The following C8B variants were observed in gnomAD, a reference collection of about 807,000 sequenced individuals.
C8B encodes complement component C8 beta chain.
A neutral mutation model predicts 64.6 loss-of-function variants in C8B; 67 were observed. That is an observed-to-expected ratio of 1.04 (90% CI 0.85 to 1.27). The LOEUF is 1.27. Ranked by LOEUF, C8B falls within the 50% of genes most tolerant of loss-of-function variation. The pLI is 0.00. For missense variants in C8B, 790 were observed against 725.2 expected (o/e 1.09, Z -1.03); for synonymous variants, 284 against 257.7 (o/e 1.10, Z -0.98).
At chr1:56,949,525 T>A (rs751007726) in intron 6 of C8B, 30 bp downstream of exon 6, 16 of 1,571,490 alleles carry the variant, frequency 1.0e-5, no homozygotes, top group Non-Finnish European at 1.4e-5. Context: ...AGACAACATA[T>A]ACGTTTAAAA....
chr1:56,960,131 G>A lies in C8B; in HGVS notation c.138C>T (p.Ser46=), dbSNP rs1402992781. The A allele has an allele frequency of 1.2e-6, 2 of 1,614,036 alleles. No individual in the cohort carries two copies. Among genetic ancestry groups the A allele is most frequent in the East Asian group, 4.5e-5 (2 of 44,890 alleles). Residue 46 remains serine (S), a synonymous_variant, in exon 2 of 12, where the codon AGC becomes AGT. Transcript: ENST00000371237. ...TCCGCATCTGTCTGCTCTTAGCAAA[G>A]CTCTTGTTGACTGCATTTGACCCAA... ...HSFGSNAVNK[S]FAKSRQMRSV... is the part of the protein sequence containing the mutation.
At chr1:56,943,661 T>C (rs1486741059) in intron 8 of C8B, 35 bp downstream of exon 8, 2 of 1,613,176 alleles carry the variant, frequency 1.2e-6, no homozygotes, top group Non-Finnish European at 1.7e-6. Flanking sequence ...GGATAAACAT[T>C]ATAAGTGTGG....
At chr1:56,954,626 G>T (rs189416123) in intron 4 of C8B, 60 bp downstream of exon 4, 46 of 1,601,208 alleles carry the variant, frequency 2.9e-5, no homozygotes, top group Non-Finnish European at 3.7e-5. Context: ...TTCTCTATCC[G>T]CCAGAATTCC....
In C8B at chr1:56,960,167, C is replaced by T. The variant is rs1645157358; in HGVS notation, c.102G>A (p.Arg34=). ...CLSLPGSRGE[R]PHSFGSNAVN... is the part of the protein sequence containing the mutation. Reference sequence around the variant, plus strand: ...CTGCATTTGACCCAAAGGAATGTGGCCTTTCACCTCTAAAAGTCATTATGA... The same window carrying T: ...CTGCATTTGACCCAAAGGAATGTGGTCTTTCACCTCTAAAAGTCATTATGA... Residue 34 remains arginine, a synonymous_variant, in exon 2 of 12, where the codon AGG becomes AGA. Transcript: ENST00000371237. The T allele has an allele frequency of 6.2e-6, 10 of 1,614,098 alleles. No homozygotes were observed. Among genetic ancestry groups the T allele is most frequent in the East Asian group, 2.2e-5 (1 of 44,870 alleles).
chr1:56,937,824 T>C (rs1160515616), intron 9 of C8B, among the ~76,000 whole-genome samples: 2 of 152,188 alleles, frequency 1.3e-5, no homozygotes, highest in Non-Finnish European at 2.9e-5. Flanking sequence ...TTCTTTACTA[T>C]CTAAAATCTC....
chr1:56,959,035 T>G (rs1413610901), intron 2 of C8B, among the ~76,000 whole-genome samples: 1 of 152,222 alleles, frequency 6.6e-6, no homozygotes, highest in African/African-American at 2.4e-5. Context: ...ATTGAGTGTG[T>G]TCACTGGAAG....
chr1:56,960,318 T>G (rs1645160312), intron 1 of C8B, 142 bp from the exon 2 acceptor site: 3 of 708,948 alleles, frequency 4.2e-6, no homozygotes, highest in Admixed American at 2.3e-5. Context: ...TAACCTATCC[T>G]GGAATTAATT....
rs2101385310 is a variant in C8B, at chr1:56,940,866, C to A, written c.1381G>T (p.Ala461Ser). 1.9e-6 allele frequency: 3 copies of A among 1,613,946 alleles called. No individual in the cohort carries two copies. Among genetic ancestry groups the A allele is most frequent in the South Asian group, 1.1e-5 (1 of 91,066 alleles). Reference protein sequence around the residue: ...EWGDAVQYNPAIIKVKVEPLY... With the variant: ...EWGDAVQYNPSIIKVKVEPLY... ...TTGTGTACCTTAACTTTGATGATGG[C>A]TGGGTTGTACTGCACAGCGTCTCCC... The change falls in exon 9 of 12, where the codon GCC becomes TCC. Residue 461 changes from alanine to serine, a missense_variant. Physicochemically the swap from Ala to Ser is moderately conservative, Grantham distance 99. Coordinates refer to ENST00000371237, the MANE Select transcript of C8B (RefSeq NM_000066.4).
intron 1 of C8B, among the ~76,000 whole-genome samples, chr1:56,963,546 G>A (rs1645208330): frequency 7.2e-6 from 1 of 139,636 alleles, no homozygotes; most frequent in Admixed American, 8.0e-5. Flanking sequence ...AAACAGCACA[G>A]AGGCCAACAA....
intron 9 of C8B, among the ~76,000 whole-genome samples, chr1:56,935,949 C>A (rs1395682272): frequency 6.6e-6 from 1 of 152,184 alleles, no homozygotes; most frequent in Non-Finnish European, 1.5e-5. Context: ...GAGCATTTTT[C>A]CACATGATTC....
rs1279572099 is a variant in C8B, at chr1:56,931,796, T to G, written c.1621+14A>C. ...CTCTGGACCTCCCCAGAGTTCCTTT[T>G]CCAATTAACTTACTCTTCCGATAGG... On this transcript the variant is annotated intron_variant, in intron 11 of 11. Coordinates refer to ENST00000371237, the MANE Select transcript of C8B (RefSeq NM_000066.4). 3 of 1,588,252 alleles carry G rather than the reference T, an allele frequency of 1.9e-6. No homozygotes were observed. In the Admixed American group the frequency reaches 5.0e-5, roughly 27 times the overall value.
At chr1:56,929,621 G>A (rs41285940) in intron 11 of C8B, 63 bp from the exon 12 acceptor site, 33,907 of 1,542,268 alleles carry the variant, frequency 0.022, 508 homozygotes, top group Non-Finnish European at 0.025. Context: ...CCTTACTGGG[G>A]TTGGGTGAGC....
At chr1:56,965,326 C>G (rs1172623695) in intron 1 of C8B, among the ~76,000 whole-genome samples, 1 of 150,870 alleles carries the variant, frequency 6.6e-6, no homozygotes, top group Non-Finnish European at 1.5e-5. Context: ...TGGAGACTAA[C>G]AATGATGAAA....
At position 56,946,079 on chromosome 1, in the gene C8B, A is replaced by G. The variant is rs1469020329; in HGVS notation, c.865-18T>C. ...ACGCTTTTCTAAATGAAATACCAAC[A>G]TGGGAAAACCAGACCTTTAAAGTTA... is the stretch of plus-strand genomic sequence containing the variant. On this transcript the variant is annotated intron_variant, in intron 6 of 11. Coordinates refer to ENST00000371237, the MANE Select transcript of C8B (RefSeq NM_000066.4). 1.9e-6 allele frequency: 3 copies of G among 1,613,608 alleles called. No individual in the cohort carries two copies. The highest frequency in any genetic ancestry group is 2.5e-6 in the Non-Finnish European group (3 of 1,179,866).
At chr1:56,954,209 A>G (rs75015103) in intron 4 of C8B, among the ~76,000 whole-genome samples, 4,421 of 152,202 alleles carry the variant, frequency 0.029, 199 homozygotes, top group African/African-American at 0.1. Flanking sequence ...AGAGATCCCC[A>G]AAAGCCCTGG....
rs761418803 is a variant in C8B at position 56,945,981 on chromosome 1, G to A, written c.945C>T (p.Tyr315=). ...KLKPRSLMLH[Y]EFLQRVKRLP... Reference sequence around the variant, plus strand: ...GCCGCTTAACTCTCTGAAGGAACTCGTAATGGAGCATGAGGCTTCTGGGTT... The same window carrying A: ...GCCGCTTAACTCTCTGAAGGAACTCATAATGGAGCATGAGGCTTCTGGGTT... Residue 315 remains tyrosine (Y), a synonymous_variant, in exon 7 of 12, where the codon TAC becomes TAT. Coordinates refer to ENST00000371237, the MANE Select transcript of C8B (RefSeq NM_000066.4). The A allele has an allele frequency of 2.4e-5, 38 of 1,614,040 alleles. No individual in the cohort carries two copies. Among genetic ancestry groups the A allele is most frequent in the South Asian group, 1.1e-4 (10 of 91,078 alleles).
intron 6 of C8B, among the ~76,000 whole-genome samples, chr1:56,948,163 G>T (rs551515946): frequency 6.6e-5 from 10 of 152,202 alleles, no homozygotes; most frequent in Non-Finnish European, 1.3e-4. Flanking sequence ...GAAGGAAATG[G>T]GGAGGGAGTA....
rs1645249378 is a variant in C8B at position 56,965,897 on chromosome 1, G to T, written c.52C>A (p.Leu18Ile). The T allele has an allele frequency of 6.2e-7, 1 of 1,613,922 alleles. No homozygotes were observed. The highest frequency in any genetic ancestry group is 8.5e-7 in the Non-Finnish European group (1 of 1,180,002). Reference sequence around the variant, plus strand: ...CTGAGACAGCCCAGGGCAGCACAGAGAAGAAATAGCTCCACCGGCGCCCTC... The same window carrying T: ...CTGAGACAGCCCAGGGCAGCACAGATAAGAAATAGCTCCACCGGCGCCCTC... ...AWRAPVELFL[L>I]CAALGCLSLP... Residue 18 changes from leucine to isoleucine, a missense_variant, in exon 1 of 12, where the codon CTC becomes ATC. By Grantham distance (5) the Leu-to-Ile change is conservative. Transcript: ENST00000371237.
At chr1:56,957,940 TCTGACAGGTGTGAAGAA>T (rs574074189) in intron 2 of C8B, among the ~76,000 whole-genome samples, 167 of 152,242 alleles carry the variant, frequency 1.1e-3, no homozygotes, top group African/African-American at 3.9e-3. Context: ...AGTAGGAATG[TCTGACAGGTGTGAAGAA>T]CTGACGAGAG....
Sources: gnomAD v4.1 joint callset for allele counts (sites outside exome capture counted in the v4.1 genomes callset) on GRCh38, gnomAD v4.1.1 for gene constraint, MANE v1.5 for transcripts, NCBI Gene and HGNC (gene_info 2026-07-23, HGNC 2026-07-21) for gene names.